The following CCSER1 variants were observed in gnomAD, a reference collection of about 807,000 sequenced individuals.
CCSER1 encodes the protein coiled-coil serine rich protein 1.
CCSER1 carries 41 observed loss-of-function variants against 82.0 expected under a neutral mutation model. The observed-to-expected ratio is 0.50, with a 90% CI of 0.39 to 0.65. The LOEUF is 0.65. Among genes scored for constraint, CCSER1 ranks in the 30% least tolerant of loss-of-function variants. The pLI, the probability that CCSER1 is intolerant of heterozygous loss-of-function variation, is 0.00. For missense variants in CCSER1, 1,119 were observed against 1,064.2 expected (o/e 1.05, Z -0.72); for synonymous variants, 414 against 383.9 (o/e 1.08, Z -0.92).
At chr4:90,616,743 A>ACAC (rs1403016441) in intron 5 of CCSER1, among the ~76,000 whole-genome samples, 1 of 82,394 alleles carries the variant, frequency 1.2e-5, no homozygotes, top group African/African-American at 5.1e-5. Flanking sequence ...ACACACAAAT[A>ACAC]AAATAAAATA....
chr4:90,359,713 G>A (rs1050080784), intron 3 of CCSER1, among the ~76,000 whole-genome samples: 2 of 151,008 alleles, frequency 1.3e-5, no homozygotes, highest in African/African-American at 4.9e-5. Flanking sequence ...CTCCAGCCTG[G>A]GCAACAGAGC....
intron 6 of CCSER1, among the ~76,000 whole-genome samples, chr4:90,690,598 C>T (rs905966232): frequency 6.6e-6 from 1 of 152,074 alleles, no homozygotes; most frequent in African/African-American, 2.4e-5. Flanking sequence ...CTTCTCCTAG[C>T]CTAATTTCCT....
chr4:90,155,515 CTT>C (rs957346689), intron 1 of CCSER1, among the ~76,000 whole-genome samples: 5 of 152,012 alleles, frequency 3.3e-5, no homozygotes, highest in Admixed American at 6.6e-5. Flanking sequence ...GTCCTGGACT[CTT>C]TTTGGTTGGT....
intron 10 of CCSER1, among the ~76,000 whole-genome samples, chr4:91,205,498 T>A (rs1736270603): frequency 6.6e-6 from 1 of 151,830 alleles, no homozygotes; most frequent in Non-Finnish European, 1.5e-5. Context: ...ACAAGAACCC[T>A]CATCATTACC....
intron 9 of CCSER1, among the ~76,000 whole-genome samples, chr4:90,979,378 T>C (rs1476123178): frequency 1.3e-5 from 2 of 151,674 alleles, no homozygotes; most frequent in Admixed American, 1.3e-4. Flanking sequence ...GATAAGTTCC[T>C]ATACTCATGG....
chr4:91,393,436 G>A (rs1420672649), intron 10 of CCSER1, among the ~76,000 whole-genome samples: 1 of 152,030 alleles, frequency 6.6e-6, no homozygotes, highest in African/African-American at 2.4e-5. Flanking sequence ...TAAAGTAAGT[G>A]CCCTTGATGG....
chr4:91,286,444 T>C (rs1282783368), intron 10 of CCSER1, among the ~76,000 whole-genome samples: 2 of 151,878 alleles, frequency 1.3e-5, no homozygotes, highest in Non-Finnish European at 2.9e-5. Context: ...TTTATTTAAA[T>C]ACCAAAATGA....
At chr4:91,531,319 C>G (rs1423835784) in intron 10 of CCSER1, among the ~76,000 whole-genome samples, 1 of 152,062 alleles carries the variant, frequency 6.6e-6, no homozygotes. Context: ...TTCCTTATGC[C>G]TAAAATATGC....
chr4:91,178,190 T>A (rs1733605620), intron 10 of CCSER1, among the ~76,000 whole-genome samples: 1 of 152,210 alleles, frequency 6.6e-6, no homozygotes, highest in Non-Finnish European at 1.5e-5. Flanking sequence ...TTGTTATAAT[T>A]TCTGTTATTT....
At chr4:91,544,658 A>G (rs1437671583) in intron 10 of CCSER1, among the ~76,000 whole-genome samples, 1 of 152,154 alleles carries the variant, frequency 6.6e-6, no homozygotes, top group Non-Finnish European at 1.5e-5. Context: ...TTGCTGCCTG[A>G]TTATTCCTCT....
chr4:91,211,326 C>T (rs565853712), intron 10 of CCSER1, among the ~76,000 whole-genome samples: 2 of 152,062 alleles, frequency 1.3e-5, no homozygotes, highest in South Asian at 2.1e-4. Context: ...TGCTGGATGT[C>T]GAGTGTGTAG....
At chr4:91,178,671 C>T (rs1050270520) in intron 10 of CCSER1, among the ~76,000 whole-genome samples, 1 of 152,134 alleles carries the variant, frequency 6.6e-6, no homozygotes, top group Non-Finnish European at 1.5e-5. Context: ...TGATCTTCCT[C>T]CATCCCTTTA....
chr4:90,507,585 T>C (rs1770891180), intron 5 of CCSER1, among the ~76,000 whole-genome samples: 1 of 152,078 alleles, frequency 6.6e-6, no homozygotes, highest in African/African-American at 2.4e-5. Flanking sequence ...ATTTCATACA[T>C]TTTATAGTCT....
chr4:90,338,249 C>T (rs1740767773), intron 3 of CCSER1, among the ~76,000 whole-genome samples: 2 of 152,218 alleles, frequency 1.3e-5, no homozygotes, highest in South Asian at 4.1e-4. Context: ...GCAAGTTCTT[C>T]ACCCCATGTG....
At chr4:90,414,862 A>G (rs141024887) in intron 4 of CCSER1, among the ~76,000 whole-genome samples, 2 of 152,254 alleles carry the variant, frequency 1.3e-5, no homozygotes, top group East Asian at 1.9e-4. Context: ...CCAGCAATAC[A>G]TTTTTGTTTG....
intron 10 of CCSER1, among the ~76,000 whole-genome samples, chr4:91,338,758 G>A (rs1747492233): frequency 6.6e-6 from 1 of 152,092 alleles, no homozygotes; most frequent in Non-Finnish European, 1.5e-5. Flanking sequence ...TCAGTATCAT[G>A]TGGGTTAAAA....
intron 7 of CCSER1, among the ~76,000 whole-genome samples, chr4:90,750,091 T>C (rs1748335286): frequency 6.6e-6 from 1 of 152,022 alleles, no homozygotes; most frequent in Admixed American, 6.6e-5. Flanking sequence ...AAATGTCTTC[T>C]TTTGAGAAGT....
chr4:90,485,407 C>T (rs919021483), intron 5 of CCSER1, among the ~76,000 whole-genome samples: 8 of 152,034 alleles, frequency 5.3e-5, no homozygotes, highest in African/African-American at 1.4e-4. Flanking sequence ...GGCACTCCCC[C>T]GTGAGATGAA....
chr4:90,800,590 T>A (rs1196177828), intron 7 of CCSER1, among the ~76,000 whole-genome samples: 1 of 152,224 alleles, frequency 6.6e-6, no homozygotes, highest in Non-Finnish European at 1.5e-5. Context: ...AAATGTCTTA[T>A]CAAGCAATGC....
Sources: allele counts gnomAD v4.1 joint callset (sites outside exome capture counted in the v4.1 genomes callset), GRCh38; gene constraint gnomAD v4.1.1; transcripts MANE v1.5; gene names NCBI Gene and HGNC (gene_info 2026-07-23, HGNC 2026-07-21).